NKAIN2: variants seen among roughly 807,000 people sequenced by gnomAD.
NKAIN2 encodes the protein sodium/potassium transporting ATPase interacting 2.
In NKAIN2, 14 loss-of-function variants were observed where a neutral mutation model predicts 32.6. The observed-to-expected ratio is 0.43, with a 90% confidence interval of 0.28 to 0.67. NKAIN2 has a LOEUF of 0.67. NKAIN2 is among the 30% of genes least tolerant of loss of function. The pLI is 0.17. For missense variants in NKAIN2, 198 were observed against 258.3 expected (o/e 0.77, Z 1.60); for synonymous variants, 80 against 87.2 (o/e 0.92, Z 0.46).
chr6:124,144,034 A>T (rs1434167884), intron 1 of NKAIN2, among the ~76,000 whole-genome samples: 2 of 152,226 alleles, frequency 1.3e-5, no homozygotes, highest in Non-Finnish European at 2.9e-5. Context: ...ACATATCATT[A>T]TTAAAATAAA....
At chr6:124,169,541 A>G (rs1788742494) in intron 1 of NKAIN2, among the ~76,000 whole-genome samples, 1 of 152,182 alleles carries the variant, frequency 6.6e-6, no homozygotes, top group Admixed American at 6.5e-5. Flanking sequence ...ATTTAGGCAA[A>G]AAGATAAGTT....
At chr6:124,262,651 T>C (rs1794305927) in intron 1 of NKAIN2, among the ~76,000 whole-genome samples, 1 of 152,152 alleles carries the variant, frequency 6.6e-6, no homozygotes, top group Non-Finnish European at 1.5e-5. Flanking sequence ...GAGAATGAAT[T>C]TGAATGTATA....
intron 3 of NKAIN2, among the ~76,000 whole-genome samples, chr6:124,647,299 C>G (rs1224807411): frequency 6.6e-6 from 1 of 151,568 alleles, no homozygotes; most frequent in Non-Finnish European, 1.5e-5. Context: ...GTAATCCTAG[C>G]ACTTTGGAAG....
intron 1 of NKAIN2, among the ~76,000 whole-genome samples, chr6:123,846,344 G>A (rs9490965): frequency 0.71 from 108,373 of 152,052 alleles, 39,878 homozygotes; most frequent in African/African-American, 0.91. Flanking sequence ...TTTTGCCTCA[G>A]TTCTTAAAAA....
intron 5 of NKAIN2, 52 bp from the exon 6 acceptor site, chr6:124,818,335 C>T: frequency 4.2e-6 from 4 of 942,022 alleles, no homozygotes; most frequent in Non-Finnish European, 1.7e-6. Flanking sequence ...GGTGCTTGAT[C>T]ATGGATGTAT....
At chr6:124,259,945 A>G (rs569600813) in intron 1 of NKAIN2, among the ~76,000 whole-genome samples, 5 of 152,294 alleles carry the variant, frequency 3.3e-5, no homozygotes, top group African/African-American at 1.2e-4. Flanking sequence ...TATACATTAA[A>G]CCAAATAATG....
intron 4 of NKAIN2, among the ~76,000 whole-genome samples, chr6:124,768,054 G>C (rs1416013427): frequency 6.6e-6 from 1 of 152,058 alleles, no homozygotes; most frequent in Non-Finnish European, 1.5e-5. Context: ...TTAAATTAAA[G>C]TCATGTAAAT....
chr6:124,453,595 A>G (rs1192870530), intron 3 of NKAIN2, among the ~76,000 whole-genome samples: 2 of 152,116 alleles, frequency 1.3e-5, no homozygotes, highest in Non-Finnish European at 2.9e-5. Flanking sequence ...GAGACTATTA[A>G]AAGAGAGAAA....
intron 1 of NKAIN2, among the ~76,000 whole-genome samples, chr6:123,910,462 A>G (rs1020019572): frequency 8.0e-5 from 12 of 149,334 alleles, no homozygotes; most frequent in Admixed American, 5.3e-4. Flanking sequence ...TGTTTCATAA[A>G]CTAACATTTG....
At chr6:124,351,047 T>C (rs1198928495) in intron 2 of NKAIN2, among the ~76,000 whole-genome samples, 1 of 152,120 alleles carries the variant, frequency 6.6e-6, no homozygotes, top group East Asian at 1.9e-4. Flanking sequence ...AAACAAGACA[T>C]AGAAAATGCT....
At chr6:124,424,236 G>T (rs748602291) in intron 3 of NKAIN2, among the ~76,000 whole-genome samples, 2 of 151,994 alleles carry the variant, frequency 1.3e-5, no homozygotes, top group Admixed American at 6.6e-5. Flanking sequence ...CTCATGATCC[G>T]TCTGCTCGGC....
At chr6:124,096,858 C>CAA (rs60102766) in intron 1 of NKAIN2, among the ~76,000 whole-genome samples, 8,112 of 102,258 alleles carry the variant, frequency 0.079, 421 homozygotes, top group African/African-American at 0.098. Context: ...ACTCCGTCTC[C>CAA]AAAAAAAAAA....
At chr6:124,609,583 C>A (rs747542158) in intron 3 of NKAIN2, among the ~76,000 whole-genome samples, 3 of 152,048 alleles carry the variant, frequency 2.0e-5, no homozygotes, top group Non-Finnish European at 4.4e-5. Flanking sequence ...TGTGTCTGAT[C>A]GATGTGTCTC....
chr6:124,593,982 G>A (rs182409795), intron 3 of NKAIN2, among the ~76,000 whole-genome samples: 131 of 152,274 alleles, frequency 8.6e-4, no homozygotes, highest in Admixed American at 3.7e-3. Flanking sequence ...TTAAAGTCCC[G>A]TAAACCATTG....
At chr6:124,295,516 A>G (rs917988345) in intron 2 of NKAIN2, among the ~76,000 whole-genome samples, 1 of 152,162 alleles carries the variant, frequency 6.6e-6, no homozygotes, top group African/African-American at 2.4e-5. Flanking sequence ...TATATCATAT[A>G]GAATAAATGC....
intron 1 of NKAIN2, chr6:124,282,310 T>C: frequency 3.0e-6 from 1 of 331,940 alleles, no homozygotes; most frequent in South Asian, 2.4e-5. Flanking sequence ...TTTGTGTTTG[T>C]TTTCCATTGT....
At chr6:124,546,408 A>G (rs1412800236) in intron 3 of NKAIN2, among the ~76,000 whole-genome samples, 1 of 152,130 alleles carries the variant, frequency 6.6e-6, no homozygotes, top group Non-Finnish European at 1.5e-5. Flanking sequence ...CATGTCCTCA[A>G]AGTTAGTGCT....
At chr6:123,914,985 A>G (rs1456879464) in intron 1 of NKAIN2, among the ~76,000 whole-genome samples, 1 of 152,162 alleles carries the variant, frequency 6.6e-6, no homozygotes, top group Non-Finnish European at 1.5e-5. Context: ...ACTGAATCAA[A>G]GTCTCTGGGA....
At chr6:124,147,617 A>G (rs1349267700) in intron 1 of NKAIN2, among the ~76,000 whole-genome samples, 1 of 152,176 alleles carries the variant, frequency 6.6e-6, no homozygotes, top group Non-Finnish European at 1.5e-5. Context: ...ACAAAAAAAA[A>G]GCCCACGAAA....
Sources: gnomAD v4.1 joint callset for allele counts (sites outside exome capture counted in the v4.1 genomes callset) on GRCh38, gnomAD v4.1.1 for gene constraint, MANE v1.5 for transcripts, NCBI Gene and HGNC (gene_info 2026-07-23, HGNC 2026-07-21) for gene names.